The following TACO1 variants were observed in gnomAD, a reference collection of about 807,000 sequenced individuals.
The protein encoded by TACO1 is translational activator of cytochrome c oxidase 1.
TACO1 carries 13 observed loss-of-function variants against 24.0 expected under a neutral mutation model. The observed-to-expected ratio is 0.54, with a 90% CI of 0.35 to 0.86. The LOEUF (loss-of-function observed/expected upper bound fraction) is 0.86. TACO1 is among the 40% of genes least tolerant of loss of function. The pLI is 0.01. For missense variants in TACO1, 352 were observed against 380.1 expected, an observed-to-expected ratio of 0.93 and a Z score of 0.61; for synonymous variants, 149 against 153.5, an observed-to-expected ratio of 0.97 and a Z score of 0.22.
At position 63,607,473 on chromosome 17, in the gene TACO1, GA is replaced by G. The variant is rs770965533; in HGVS notation, c.693+13del. The stretch of plus-strand genomic sequence containing the variant: ...AAAGGAACGTTTTTAAAGTAAGCAT[GA>G]AAACATGGGTGTTTGGTGGGCTTCC... On this transcript the variant is annotated intron_variant, in intron 4 of 4. Coordinates refer to ENST00000258975, the MANE Select transcript of TACO1 (RefSeq NM_016360.4). The G allele has an allele frequency of 8.7e-6, 14 of 1,614,032 alleles. No homozygotes were observed. The highest frequency in any genetic ancestry group is 8.3e-5 in the Admixed American group (5 of 60,002).
chr17:63,604,284 G>A (rs771377994), intron 1 of TACO1, among the ~76,000 whole-genome samples: 2 of 152,152 alleles, frequency 1.3e-5, no homozygotes, highest in Non-Finnish European at 2.9e-5. Context: ...GTTGCAGTGA[G>A]CCAAGATCGT....
intron 1 of TACO1, among the ~76,000 whole-genome samples, chr17:63,602,955 G>T (rs1228426017): frequency 6.6e-6 from 1 of 152,192 alleles, no homozygotes; most frequent in Non-Finnish European, 1.5e-5. Flanking sequence ...TGCACAAAGT[G>T]CTGGGCACGG....
In TACO1 at chr17:63,607,445, A is replaced by G; in HGVS notation, c.674A>G (p.Glu225Gly). 1 of 1,614,230 alleles carries G rather than the reference A, an allele frequency of 6.2e-7. No homozygotes were observed. The highest frequency in any genetic ancestry group is 8.5e-7 in the Non-Finnish European group (1 of 1,180,036). ...GATGTCAAGGAAACTGAAGATGAAG[A>G]AGAAAGGAACGTTTTTAAAGTAAGC... ...AEDVKETEDEEERNVFKFICD... is the reference protein window; with the variant it reads ...AEDVKETEDEGERNVFKFICD... Residue 225 changes from glutamate (E) to glycine (G), a missense_variant, in exon 4 of 5, where the codon GAA becomes GGA. Transcript: ENST00000258975.
Position 63,601,187 on chromosome 17 carries a change from C to T in TACO1, c.104C>T (p.Ser35Phe). The change falls in exon 1 of 5, where the codon TCC becomes TTC. Residue 35 changes from serine (S) to phenylalanine (F), a missense_variant. Ser to Phe is a radical substitution (Grantham distance 155). Coordinates refer to ENST00000258975, the MANE Select transcript of TACO1 (RefSeq NM_016360.4). ...RAAPPRDPRP[S>F]HPEPRGCGAA... ...GCTCCTCCGCGCGACCCCCGGCCCT[C>T]CCACCCCGAGCCCCGGGGCTGCGGT... The T allele has an allele frequency of 6.4e-7, 1 of 1,556,124 alleles. No homozygotes were observed. Among genetic ancestry groups the T allele is most frequent in the Non-Finnish European group, 8.7e-7 (1 of 1,151,014 alleles).
Position 63,608,009 on chromosome 17 carries a change from T to A in TACO1, c.*7T>A. On this transcript the variant is annotated 3_prime_UTR_variant, in exon 5 of 5. Coordinates refer to ENST00000258975, the MANE Select transcript of TACO1 (RefSeq NM_016360.4). The stretch of plus-strand genomic sequence containing the variant: ...CTATGATAACATTGAATAACCAGGC[T>A]ACATGTGCCCCCGGGTTCCTTCCTA... 4 of 1,614,000 alleles carry A rather than the reference T, an allele frequency of 2.5e-6. No individual in the cohort carries two copies. Among genetic ancestry groups the A allele is most frequent in the Non-Finnish European group, 3.4e-6 (4 of 1,180,012 alleles).
Position 63,606,219 on chromosome 17 carries a change from C to T in TACO1, c.388-94C>T, listed in dbSNP as rs2033860662. The T allele has an allele frequency of 4.0e-6, 6 of 1,498,348 alleles. No individual in the cohort carries two copies. In the East Asian group the frequency reaches 1.1e-4, roughly 28 times the overall value. 92.8% of individuals were successfully genotyped at this position (1,498,348 alleles called of 1,614,324 possible). A position where few individuals can be genotyped will look rare whatever the true frequency, so the allele number is the denominator to read the frequency against. Reference sequence around the variant, plus strand: ...TCAGGCTCCAGCCTAGAGAGCCCATCCCATGGAGTTAGTTTTGCGATACTT... The same window carrying T: ...TCAGGCTCCAGCCTAGAGAGCCCATTCCATGGAGTTAGTTTTGCGATACTT... On this transcript the variant is annotated intron_variant, in intron 2 of 4. Coordinates refer to ENST00000258975, the MANE Select transcript of TACO1 (RefSeq NM_016360.4).
Position 63,601,299 on chromosome 17 carries a change from G to A in TACO1, c.216G>A (p.Pro72=), listed in dbSNP as rs755953211. Residue 72 remains proline (P), a synonymous_variant, in exon 1 of 5, where the codon CCG becomes CCA. Transcript: ENST00000258975. Reference sequence around the variant, plus strand: ...CCAAAGTCAGGCACATCAAGGGTCCGAAGGACGTCGAAAGGAGTCGCATCT... The same window carrying A: ...CCAAAGTCAGGCACATCAAGGGTCCAAAGGACGTCGAAAGGAGTCGCATCT... ...KWSKVRHIKG[P]KDVERSRIFS... 1.2e-6 allele frequency: 2 copies of A among 1,613,030 alleles called. No individual in the cohort carries two copies. The highest frequency in any genetic ancestry group is 3.3e-5 in the Admixed American group (2 of 59,998).
At position 63,606,375 on chromosome 17, in the gene TACO1, C is replaced by A; in HGVS notation, c.450C>A (p.Ile150=). Residue 150 remains isoleucine, a synonymous_variant, in exon 3 of 5, where the codon ATC becomes ATA. Transcript: ENST00000258975. The part of the protein sequence containing the change: ...GRGPGGSSLL[I]EALSNSSHKC... Reference sequence around the variant, plus strand: ...GCCCTGGTGGCTCTTCTCTGCTCATCGAGGCATTATCTAACAGTAGCCACA... The same window carrying A: ...GCCCTGGTGGCTCTTCTCTGCTCATAGAGGCATTATCTAACAGTAGCCACA... 6.2e-7 allele frequency: 1 copy of A among 1,614,002 alleles called. No individual in the cohort carries two copies. Among genetic ancestry groups the A allele is most frequent in the South Asian group, 1.1e-5 (1 of 91,082 alleles).
rs2033879515 is a variant in TACO1, at chr17:63,608,287, CTG to C, written c.*288_*289del. The C allele has an allele frequency of 8.2e-6, 4 of 485,656 alleles. No homozygotes were observed. The highest frequency in any genetic ancestry group is 2.2e-5 in the African/African-American group (1 of 45,214). The allele number at this position is 485,656 out of a possible 1,614,324, so 30.1% of individuals were successfully genotyped here. On this transcript the variant is annotated 3_prime_UTR_variant, in exon 5 of 5. Transcript: ENST00000258975. ...GACTCTGATGTTGGGTAGCTGGCCT[CTG>C]TGGGGATTGTAAGTGCCCTGAGGCG...
chr17:63,604,878 G>A (rs1319284842), intron 2 of TACO1, among the ~76,000 whole-genome samples: 1 of 152,092 alleles, frequency 6.6e-6, no homozygotes, highest in Non-Finnish European at 1.5e-5. Context: ...AGCTGGGCGT[G>A]GTGGCATATG....
In TACO1 at chr17:63,607,796, C is replaced by G; in HGVS notation, c.694-6C>G. On this transcript the variant is annotated splice_region_variant and splice_polypyrimidine_tract_variant and intron_variant, in intron 4 of 4. Coordinates refer to ENST00000258975, the MANE Select transcript of TACO1 (RefSeq NM_016360.4). ...TCCTCACCTCCTGACTTTCCTTTAT[C>G]CCTAGTTTATTTGTGATGCCTCTTC... The G allele has an allele frequency of 6.2e-7, 1 of 1,613,700 alleles. No homozygotes were observed.
rs770317247 is a variant in TACO1, at chr17:63,608,024, G to T, written c.*22G>T. The T allele has an allele frequency of 9.3e-6, 15 of 1,613,188 alleles. No homozygotes were observed. Among genetic ancestry groups the T allele is most frequent in the Non-Finnish European group, 1.1e-5 (13 of 1,179,740 alleles). ...ATAACCAGGCTACATGTGCCCCCGG[G>T]TTCCTTCCTAGAAATGTGGCAGCCC... is the stretch of plus-strand genomic sequence containing the variant. On this transcript the variant is annotated 3_prime_UTR_variant, in exon 5 of 5. Transcript: ENST00000258975.
intron 1 of TACO1, among the ~76,000 whole-genome samples, chr17:63,603,766 G>A (rs1162575532): frequency 3.3e-5 from 5 of 151,612 alleles, no homozygotes; most frequent in African/African-American, 9.7e-5. Context: ...CTGTAATCCC[G>A]GCACTTTGGG....
intron 3 of TACO1, chr17:63,606,676 G>T (rs1460840412): frequency 3.8e-6 from 2 of 527,122 alleles, no homozygotes; most frequent in East Asian, 7.1e-5. Flanking sequence ...CTCCTGAGTA[G>T]CTGGGATTAA....
intron 3 of TACO1, 77 bp from the exon 4 acceptor site, chr17:63,607,210 T>TGATA: frequency 7.7e-7 from 1 of 1,303,982 alleles, no homozygotes; most frequent in Non-Finnish European, 1.1e-6. Flanking sequence ...AAAGAGACAG[T>TGATA]GATAGAATGA....
chr17:63,601,677 A>G (rs373477939), intron 1 of TACO1, among the ~76,000 whole-genome samples: 1 of 152,178 alleles, frequency 6.6e-6, no homozygotes, highest in South Asian at 2.1e-4. Context: ...AAGCCCTAAG[A>G]GTCAGGGCAG....
chr17:63,603,568 TG>T, intron 1 of TACO1, among the ~76,000 whole-genome samples: 1 of 152,146 alleles, frequency 6.6e-6, no homozygotes, highest in African/African-American at 2.4e-5. Context: ...TAGCTGGGCA[TG>T]GTGGCAGACA....
At chr17:63,603,863 A>G (rs933897400) in intron 1 of TACO1, among the ~76,000 whole-genome samples, 4 of 151,340 alleles carry the variant, frequency 2.6e-5, no homozygotes, top group African/African-American at 9.7e-5. Context: ...AAAAAATACG[A>G]AAAAAATTAC....
chr17:63,607,160 A>C, intron 3 of TACO1, 127 bp from the exon 4 acceptor site: 1 of 889,748 alleles, frequency 1.1e-6, no homozygotes, highest in Non-Finnish European at 1.8e-6. Flanking sequence ...TGAGGATGCG[A>C]TCTGCTCCAT....
Sources: gnomAD v4.1 joint callset for allele counts (sites outside exome capture counted in the v4.1 genomes callset) on GRCh38, gnomAD v4.1.1 for gene constraint, MANE v1.5 for transcripts, NCBI Gene and HGNC (gene_info 2026-07-23, HGNC 2026-07-21) for gene names.